Variants in RAB38 observed in about 807,000 individuals in gnomAD.
RAB38 encodes the protein ras-related protein Rab-38.
Under a neutral mutation model 18.4 loss-of-function variants are expected in RAB38, and 15 were observed. That is an observed-to-expected ratio of 0.82 (90% CI 0.55 to 1.26). The LOEUF (loss-of-function observed/expected upper bound fraction) is 1.26, where lower values mean the gene tolerates loss of function less well. RAB38 is among the 50% of genes most tolerant of loss of function. The pLI is 0.00. For missense variants in RAB38, 294 were observed against 267.4 expected, an observed-to-expected ratio of 1.10 and a Z score of -0.69; for synonymous variants, 101 against 104.4, an observed-to-expected ratio of 0.97 and a Z score of 0.20.
chr11:88,084,314 A>T, the RAB38 span, among the ~76,000 whole-genome samples: 105 of 149,586 alleles, frequency 7.0e-4, no homozygotes, highest in Non-Finnish European at 1.4e-3. Flanking sequence ...GGCTAGAATT[A>T]AAAAAAAAGT....
chr11:87,811,413 C>G, the RAB38 span, among the ~76,000 whole-genome samples: 1 of 152,204 alleles, frequency 6.6e-6, no homozygotes, highest in Non-Finnish European at 1.5e-5. Flanking sequence ...ACGCTCATGC[C>G]TATCTAACTA....
chr11:87,931,498 G>A, the RAB38 span, among the ~76,000 whole-genome samples: 2 of 152,044 alleles, frequency 1.3e-5, no homozygotes, highest in African/African-American at 4.8e-5. Flanking sequence ...GCAATTACCA[G>A]GAGTAGGACT....
At chr11:88,161,732 G>T (rs771031164) in intron 1 of RAB38, among the ~76,000 whole-genome samples, 3 of 152,036 alleles carry the variant, frequency 2.0e-5, no homozygotes, top group Admixed American at 1.3e-4. Flanking sequence ...ATAATCAATA[G>T]ATTGTTATTG....
At chr11:87,885,592 T>A in the RAB38 span, among the ~76,000 whole-genome samples, 1 of 151,996 alleles carries the variant, frequency 6.6e-6, no homozygotes, top group Non-Finnish European at 1.5e-5. Context: ...GGCTATAAGT[T>A]CTGCTGTACT....
the RAB38 span, among the ~76,000 whole-genome samples, chr11:87,898,234 A>G: frequency 6.6e-6 from 1 of 151,520 alleles, no homozygotes; most frequent in Non-Finnish European, 1.5e-5. Context: ...CTGTTCTTCA[A>G]AGGCATTACT....
chr11:87,883,911 A>C, the RAB38 span, among the ~76,000 whole-genome samples: 2 of 151,992 alleles, frequency 1.3e-5, no homozygotes, highest in Admixed American at 1.3e-4. Context: ...AGTGAAACTC[A>C]TTTTAGACTT....
chr11:87,970,780 C>G, the RAB38 span, among the ~76,000 whole-genome samples: 1 of 152,010 alleles, frequency 6.6e-6, no homozygotes, highest in Non-Finnish European at 1.5e-5. Flanking sequence ...GCAGAGCTGA[C>G]GGGTGAAGAG....
At chr11:88,024,921 T>C in the RAB38 span, among the ~76,000 whole-genome samples, 2 of 51,844 alleles carry the variant, frequency 3.9e-5, no homozygotes, top group Non-Finnish European at 7.4e-5. Flanking sequence ...AAAAAATAGT[T>C]AGAAAGAATG....
chr11:87,950,680 A>G, the RAB38 span, among the ~76,000 whole-genome samples: 2 of 152,136 alleles, frequency 1.3e-5, no homozygotes, highest in African/African-American at 4.8e-5. Flanking sequence ...TCTGGGTTGA[A>G]AATTCTTTTC....
the RAB38 span, among the ~76,000 whole-genome samples, chr11:88,008,590 C>G: frequency 6.6e-6 from 1 of 152,292 alleles, no homozygotes; most frequent in East Asian, 1.9e-4. Context: ...GAGGTTCAAT[C>G]TATGAAATCT....
At chr11:87,807,965 T>C in the RAB38 span, among the ~76,000 whole-genome samples, 2 of 152,232 alleles carry the variant, frequency 1.3e-5, no homozygotes, top group African/African-American at 4.8e-5. Context: ...CCCTCTGGCA[T>C]GTCCTATTGG....
the RAB38 span, among the ~76,000 whole-genome samples, chr11:88,062,568 A>G: frequency 1.3e-5 from 2 of 152,204 alleles, no homozygotes; most frequent in Non-Finnish European, 2.9e-5. Flanking sequence ...AAGTATCTCT[A>G]AGCTCCTCAT....
chr11:87,919,328 T>G, the RAB38 span, among the ~76,000 whole-genome samples: 6,299 of 152,082 alleles, frequency 0.041, 422 homozygotes, highest in African/African-American at 0.14. Context: ...ATGTTAAATT[T>G]TATTGAATTT....
chr11:88,098,770 T>G, the RAB38 span: 1 of 151,938 alleles, frequency 6.6e-6, no homozygotes, highest in Admixed American at 6.6e-5. Flanking sequence ...CTATTCTTAT[T>G]AGAACCTTGA....
At chr11:88,031,282 G>A in the RAB38 span, among the ~76,000 whole-genome samples, 1 of 151,436 alleles carries the variant, frequency 6.6e-6, no homozygotes, top group Non-Finnish European at 1.5e-5. Context: ...ATACTGAATG[G>A]GCAAAAACTG....
intron 2 of RAB38, chr11:88,115,416 C>T (rs79366459): frequency 4.9e-4 from 75 of 152,294 alleles, no homozygotes; most frequent in African/African-American, 1.7e-3. Context: ...ATAAGAAGTA[C>T]TGTTGGCTTC....
the RAB38 span, among the ~76,000 whole-genome samples, chr11:87,959,666 G>A: frequency 6.6e-6 from 1 of 152,172 alleles, no homozygotes; most frequent in Admixed American, 6.6e-5. Flanking sequence ...AAGGGAATAT[G>A]AGCAAAAGTA....
chr11:87,883,578 A>G, the RAB38 span, among the ~76,000 whole-genome samples: 1 of 151,962 alleles, frequency 6.6e-6, no homozygotes, highest in South Asian at 2.1e-4. Flanking sequence ...GTTGCCTTAC[A>G]TGGCAAAGGG....
the RAB38 span, among the ~76,000 whole-genome samples, chr11:87,968,224 T>G: frequency 1.3e-5 from 2 of 152,194 alleles, no homozygotes; most frequent in East Asian, 3.8e-4. Flanking sequence ...TCCAGGACCT[T>G]ACTGGTTTCA....
Sources: gnomAD v4.1 joint callset for allele counts (sites outside exome capture counted in the v4.1 genomes callset) on GRCh38, gnomAD v4.1.1 for gene constraint, MANE v1.5 for transcripts, NCBI Gene and HGNC (gene_info 2026-07-23, HGNC 2026-07-21) for gene names.